The following WIF1 variants were observed in gnomAD, a reference collection of about 807,000 sequenced individuals.
WIF1 encodes Wnt inhibitory factor 1.
Under a neutral mutation model 53.5 loss-of-function variants are expected in WIF1, and 35 were observed. The observed-to-expected ratio is 0.65, with a 90% CI of 0.50 to 0.87. WIF1 has a LOEUF of 0.87. Among genes scored for constraint, WIF1 ranks in the 40% least tolerant of loss-of-function variants. The pLI is 0.00. For missense variants in WIF1, 467 were observed against 476.8 expected, an observed-to-expected ratio of 0.98 and a Z score of 0.19; for synonymous variants, 171 against 170.4, an observed-to-expected ratio of 1.00 and a Z score of -0.03.
At position 65,051,264 on chromosome 12, in the gene WIF1, T is replaced by G; in HGVS notation, c.*85A>C. ...TTCAGGCCAGTATTCTTAAGTGTAA[T>G]GAACATTATTTGAACATTCAACACA... On this transcript the variant is annotated 3_prime_UTR_variant, in exon 10 of 10. Transcript: ENST00000286574. The G allele has an allele frequency of 6.7e-7, 1 of 1,493,350 alleles. No homozygotes were observed. The allele number at this position is 1,493,350 out of a possible 1,614,324, so 92.5% of individuals were successfully genotyped here. A position where few individuals can be genotyped will look rare whatever the true frequency, so the allele number is the denominator to read the frequency against.
intron 3 of WIF1, among the ~76,000 whole-genome samples, chr12:65,069,752 G>A (rs1229977614): frequency 1.3e-5 from 2 of 152,136 alleles, no homozygotes; most frequent in African/African-American, 4.8e-5. Flanking sequence ...AGGGAAGGAG[G>A]ACACCCGTTG....
intron 2 of WIF1, among the ~76,000 whole-genome samples, chr12:65,098,656 CTGTG>C (rs113954429): frequency 6.6e-6 from 1 of 150,712 alleles, no homozygotes; most frequent in Non-Finnish European, 1.5e-5. Context: ...ACATTAAAGT[CTGTG>C]TGTGTGTGTG....
At chr12:65,102,742 G>A in intron 2 of WIF1, among the ~76,000 whole-genome samples, 1 of 152,132 alleles carries the variant, frequency 6.6e-6, no homozygotes, top group East Asian at 1.9e-4. Context: ...TCATTCCTAG[G>A]CTCATACAAG....
At chr12:65,093,991 C>T (rs1288682873) in intron 2 of WIF1, among the ~76,000 whole-genome samples, 2 of 152,282 alleles carry the variant, frequency 1.3e-5, no homozygotes, top group Non-Finnish European at 2.9e-5. Flanking sequence ...CAAACAGTGA[C>T]GGTTCTGTAA....
intron 2 of WIF1, among the ~76,000 whole-genome samples, chr12:65,084,475 G>A (rs961043283): frequency 1.6e-4 from 24 of 152,178 alleles, no homozygotes; most frequent in Admixed American, 4.6e-4. Context: ...CTATATTCCA[G>A]TGATTTAACC....
At chr12:65,077,915 G>T in intron 2 of WIF1, 61 bp from the exon 3 acceptor site, 1 of 1,280,188 alleles carries the variant, frequency 7.8e-7, no homozygotes, top group Non-Finnish European at 1.1e-6. Context: ...AGGCACCACA[G>T]AATTCATCGT....
At chr12:65,064,854 C>G (rs1882664773) in intron 6 of WIF1, among the ~76,000 whole-genome samples, 1 of 152,150 alleles carries the variant, frequency 6.6e-6, no homozygotes, top group Non-Finnish European at 1.5e-5. Context: ...ATGGCCACGC[C>G]TACATAAGAA....
intron 2 of WIF1, among the ~76,000 whole-genome samples, chr12:65,082,357 T>C (rs1020344160): frequency 6.6e-6 from 1 of 151,936 alleles, no homozygotes; most frequent in Non-Finnish European, 1.5e-5. Flanking sequence ...TACTGGAGAG[T>C]CTAAAACCTC....
chr12:65,079,519 C>T (rs1301132857), intron 2 of WIF1, among the ~76,000 whole-genome samples: 2 of 151,664 alleles, frequency 1.3e-5, no homozygotes, highest in Non-Finnish European at 2.9e-5. Context: ...CATAAGTCTC[C>T]TCCCTCAGTT....
intron 3 of WIF1, among the ~76,000 whole-genome samples, chr12:65,069,502 G>A (rs768575067): frequency 4.6e-4 from 70 of 152,274 alleles, no homozygotes; most frequent in Non-Finnish European, 4.6e-4. Flanking sequence ...TCATTGGACC[G>A]AGTTAATGAA....
At chr12:65,081,076 T>C (rs1366985481) in intron 2 of WIF1, among the ~76,000 whole-genome samples, 1 of 152,132 alleles carries the variant, frequency 6.6e-6, no homozygotes, top group Non-Finnish European at 1.5e-5. Context: ...TTTCAGATTT[T>C]CTATATGTGA....
chr12:65,069,806 T>G (rs555707898), intron 3 of WIF1, among the ~76,000 whole-genome samples: 1 of 152,280 alleles, frequency 6.6e-6, no homozygotes, highest in East Asian at 1.9e-4. Context: ...GCAAATCAGA[T>G]GTGATCATTT....
intron 2 of WIF1, among the ~76,000 whole-genome samples, chr12:65,119,764 A>G (rs1306681359): frequency 6.6e-6 from 1 of 152,194 alleles, no homozygotes; most frequent in East Asian, 1.9e-4. Context: ...AAAATGTACA[A>G]AAGGTAACAT....
chr12:65,078,998 C>T (rs12297882), intron 2 of WIF1, among the ~76,000 whole-genome samples: 1 of 151,940 alleles, frequency 6.6e-6, no homozygotes, highest in African/African-American at 2.4e-5. Context: ...AACCCCGTCT[C>T]TACTAAAAAT....
At chr12:65,093,583 G>T (rs987960684) in intron 2 of WIF1, among the ~76,000 whole-genome samples, 7 of 152,024 alleles carry the variant, frequency 4.6e-5, no homozygotes, top group Non-Finnish European at 1.0e-4. Context: ...CACAGCAAAT[G>T]ACAGTATTTT....
intron 2 of WIF1, among the ~76,000 whole-genome samples, chr12:65,079,901 A>G (rs1882922508): frequency 6.6e-6 from 1 of 152,192 alleles, no homozygotes; most frequent in Admixed American, 6.5e-5. Context: ...CATTCTATCT[A>G]TTAATTAAAG....
chr12:65,066,667 C>G lies in WIF1; in HGVS notation c.704G>C (p.Gly235Ala), dbSNP rs151260101. The part of the protein sequence containing the change: ...VTPGFCICPP[G>A]FYGVNCDKAN... The stretch of plus-strand genomic sequence containing the variant: ...TTTGTCACAGTTCACTCCATAGAAT[C>G]CAGGTGGGCAGATGCAGAAACCAGG... Residue 235 changes from glycine to alanine, a missense_variant, in exon 6 of 10, where the codon GGA becomes GCA. Gly to Ala is a moderately conservative substitution (Grantham distance 60). Transcript: ENST00000286574. 6.2e-7 allele frequency: 1 copy of G among 1,609,972 alleles called. No individual in the cohort carries two copies. The highest frequency in any genetic ancestry group is 1.3e-5 in the African/African-American group (1 of 74,624).
chr12:65,109,522 A>G (rs575876422), intron 2 of WIF1, among the ~76,000 whole-genome samples: 1 of 152,286 alleles, frequency 6.6e-6, no homozygotes, highest in Non-Finnish European at 1.5e-5. Context: ...TGATTGCTTT[A>G]TTGATGCCAC....
intron 2 of WIF1, among the ~76,000 whole-genome samples, chr12:65,098,982 C>A (rs1245669417): frequency 1.3e-5 from 2 of 152,102 alleles, no homozygotes; most frequent in African/African-American, 4.8e-5. Flanking sequence ...TCTAAGCAAG[C>A]CCTTAGCAAT....
Sources: allele counts gnomAD v4.1 joint callset (sites outside exome capture counted in the v4.1 genomes callset), GRCh38; gene constraint gnomAD v4.1.1; transcripts MANE v1.5; gene names NCBI Gene and HGNC (gene_info 2026-07-23, HGNC 2026-07-21).